The following ARHGAP21 variants were observed in gnomAD, a reference collection of about 807,000 sequenced individuals.
ARHGAP21 encodes rho GTPase-activating protein 21.
ARHGAP21 carries 38 observed loss-of-function variants against 164.6 expected under a neutral mutation model. The ratio of observed to expected loss-of-function variants is 0.23; its 90% CI spans 0.18 to 0.30. ARHGAP21 has a LOEUF of 0.30. Ranked by LOEUF, ARHGAP21 falls within the 10% of genes least tolerant of loss-of-function variation. The probability of loss-of-function intolerance (pLI) is 1.00; values close to 1 mark genes in which losing one functional copy is unlikely to be tolerated. For synonymous variants in ARHGAP21, 766 were observed against 857.9 expected, an observed-to-expected ratio of 0.89 and a Z score of 1.87; for missense variants, 1,822 against 2,370.7, an observed-to-expected ratio of 0.77 and a Z score of 4.81.
chr10:24,641,012 G>A (rs1052135030), intron 4 of ARHGAP21, among the ~76,000 whole-genome samples: 1 of 152,150 alleles, frequency 6.6e-6, no homozygotes, highest in Non-Finnish European at 1.5e-5. Flanking sequence ...TGAGGGGGTG[G>A]AGGTGAAGCT....
chr10:24,668,336 C>G (rs1384869319), intron 3 of ARHGAP21, among the ~76,000 whole-genome samples: 1 of 152,202 alleles, frequency 6.6e-6, no homozygotes, highest in Non-Finnish European at 1.5e-5. Context: ...CTCCCTACGT[C>G]TGTGTGAGTT....
chr10:24,615,320 T>C (rs544755559), intron 9 of ARHGAP21, among the ~76,000 whole-genome samples: 1 of 152,352 alleles, frequency 6.6e-6, no homozygotes, highest in East Asian at 1.9e-4. Context: ...GCAGTGCCGT[T>C]AAGGCTATGA....
intron 11 of ARHGAP21, among the ~76,000 whole-genome samples, chr10:24,606,435 C>CTAAG (rs895884551): frequency 1.3e-4 from 20 of 152,074 alleles, no homozygotes; most frequent in African/African-American, 4.8e-4. Flanking sequence ...TGTTCAACTG[C>CTAAG]TAAGTGTCAA....
intron 25 of ARHGAP21, among the ~76,000 whole-genome samples, chr10:24,586,609 T>C (rs1340745550): frequency 6.6e-6 from 1 of 152,238 alleles, no homozygotes; most frequent in Non-Finnish European, 1.5e-5. Context: ...CCACATGATA[T>C]AGATACTGTA....
Position 24,584,580 on chromosome 10 carries a change from C to T in ARHGAP21, c.5709G>A (p.Leu1903=). 6.2e-7 allele frequency: 1 copy of T among 1,613,886 alleles called. No homozygotes were observed. The highest frequency in any genetic ancestry group is 8.5e-7 in the Non-Finnish European group (1 of 1,179,856). ...AAAGAAGGGGCCTGTTTGTTGAAGC[C>T]AAGGTGCTGGAAGAACTGCCTGTGT... ...HCNTGSSSST[L]ASTNRPLLSI... is the part of the protein sequence containing the mutation. The change falls in exon 26 of 26, where the codon TTG becomes TTA. Residue 1903 remains leucine, a synonymous_variant. Transcript: ENST00000396432.
chr10:24,712,314 C>T (rs370400623), intron 2 of ARHGAP21, among the ~76,000 whole-genome samples: 85 of 152,228 alleles, frequency 5.6e-4, no homozygotes, highest in African/African-American at 2.0e-3. Context: ...AGGCCATGTA[C>T]GGACAGGCAG....
intron 24 of ARHGAP21, chr10:24,590,227 C>G (rs1592925162): frequency 6.8e-7 from 1 of 1,464,316 alleles, no homozygotes; most frequent in East Asian, 2.5e-5. Flanking sequence ...TCCTCAGGGT[C>G]TGCTTCAGAA....
At chr10:24,586,633 T>C (rs888024025) in intron 25 of ARHGAP21, among the ~76,000 whole-genome samples, 1 of 152,222 alleles carries the variant, frequency 6.6e-6, no homozygotes, top group East Asian at 1.9e-4. Flanking sequence ...GATAAGCTCA[T>C]TGAGATAAGG....
intron 2 of ARHGAP21, among the ~76,000 whole-genome samples, chr10:24,702,475 A>G (rs569291471): frequency 6.6e-6 from 1 of 152,218 alleles, no homozygotes; most frequent in African/African-American, 2.4e-5. Context: ...CCAGTATTGT[A>G]ATCTACAACT....
chr10:24,687,190 A>G (rs962671783), intron 2 of ARHGAP21, among the ~76,000 whole-genome samples: 1 of 152,154 alleles, frequency 6.6e-6, no homozygotes, highest in African/African-American at 2.4e-5. Flanking sequence ...GCAGTTTCCC[A>G]GGCCCTCTAC....
chr10:24,656,358 A>C (rs1238021261), intron 4 of ARHGAP21, among the ~76,000 whole-genome samples: 15 of 48,282 alleles, frequency 3.1e-4, no homozygotes, highest in Admixed American at 3.8e-4. Flanking sequence ...CAGCCCCCCC[A>C]CCCGGCCAGC....
intron 12 of ARHGAP21, among the ~76,000 whole-genome samples, chr10:24,603,417 G>A (rs963241991): frequency 7.2e-5 from 11 of 152,202 alleles, no homozygotes; most frequent in African/African-American, 2.4e-4. Flanking sequence ...CTGAGAAGAA[G>A]TAGAAACTAT....
chr10:24,590,259 A>ACTT (rs1465486509), intron 24 of ARHGAP21: 4 of 1,490,886 alleles, frequency 2.7e-6, no homozygotes, highest in Admixed American at 4.3e-5. Context: ...CAGCAGAAAA[A>ACTT]CTTTTAAGAA....
At chr10:24,594,497 AACTG>A (rs1194628827) in intron 21 of ARHGAP21, among the ~76,000 whole-genome samples, 1 of 152,136 alleles carries the variant, frequency 6.6e-6, no homozygotes, top group Non-Finnish European at 1.5e-5. Flanking sequence ...AAAAAAGAAA[AACTG>A]AATGTGAACT....
In ARHGAP21 at chr10:24,591,977, G is replaced by A. The variant is rs2076350318; in HGVS notation, c.3912C>T (p.Pro1304=). The A allele has an allele frequency of 6.2e-7, 1 of 1,612,850 alleles. No individual in the cohort carries two copies. Among genetic ancestry groups the A allele is most frequent in the Non-Finnish European group, 8.5e-7 (1 of 1,179,632 alleles). ...EPRNLAIVFG[P]TLVRTSEDNM... is the part of the protein sequence containing the mutation. ...TGTCTTCTGATGTTCGAACAAGGGTGGGACCAAACACTATTGCTAGGTTTC... is the reference window on the plus strand; with the variant it reads ...TGTCTTCTGATGTTCGAACAAGGGTAGGACCAAACACTATTGCTAGGTTTC... Residue 1304 remains proline, a synonymous_variant, in exon 22 of 26, where the codon CCC becomes CCT. Transcript: ENST00000396432.
intron 2 of ARHGAP21, among the ~76,000 whole-genome samples, chr10:24,687,691 C>G (rs1248423276): frequency 6.6e-6 from 1 of 152,182 alleles, no homozygotes; most frequent in African/African-American, 2.4e-5. Context: ...AAAACAATTA[C>G]TTCCCTTCCC....
At chr10:24,652,790 A>G (rs1222259675) in intron 4 of ARHGAP21, among the ~76,000 whole-genome samples, 1 of 152,210 alleles carries the variant, frequency 6.6e-6, no homozygotes, top group Non-Finnish European at 1.5e-5. Flanking sequence ...ATACAGAGCA[A>G]GCGGAACTCT....
intron 2 of ARHGAP21, among the ~76,000 whole-genome samples, chr10:24,700,879 T>A (rs576744665): frequency 5.1e-4 from 78 of 152,280 alleles, no homozygotes; most frequent in African/African-American, 1.8e-3. Flanking sequence ...AAATTCTGAT[T>A]CCCTAAAGTC....
intron 2 of ARHGAP21, among the ~76,000 whole-genome samples, chr10:24,686,678 T>C (rs774541460): frequency 6.6e-6 from 1 of 152,216 alleles, no homozygotes; most frequent in Non-Finnish European, 1.5e-5. Context: ...GTTTAAATTT[T>C]TTCCTGAACG....
Sources: allele counts gnomAD v4.1 joint callset (sites outside exome capture counted in the v4.1 genomes callset), GRCh38; gene constraint gnomAD v4.1.1; transcripts MANE v1.5; gene names NCBI Gene and HGNC (gene_info 2026-07-23, HGNC 2026-07-21).